Variants in BMAL2 observed in about 807,000 individuals in gnomAD.
BMAL2 encodes basic helix-loop-helix ARNT-like protein 2.
the BMAL2 span, chr12:27,420,375 G>C: frequency 1.9e-6 from 3 of 1,613,642 alleles, no homozygotes; most frequent in Non-Finnish European, 2.5e-6. Flanking sequence ...TACTTACACA[G>C]GCCTGTATTT....
the BMAL2 span, chr12:27,401,714 A>T: frequency 7.0e-7 from 1 of 1,418,792 alleles, no homozygotes; most frequent in Non-Finnish European, 9.6e-7. Context: ...TATTGATTTC[A>T]AATGAGTCTC....
chr12:27,347,510 G>T, the BMAL2 span, among the ~76,000 whole-genome samples: 1 of 152,078 alleles, frequency 6.6e-6, no homozygotes, highest in Admixed American at 6.5e-5. Context: ...TTCACAGTAG[G>T]TGCTTGAGGA....
chr12:27,403,603 TA>T, the BMAL2 span: 1 of 1,073,756 alleles, frequency 9.3e-7, no homozygotes, highest in African/African-American at 1.6e-5. Context: ...AAAATCAATA[TA>T]CAAAAATCAG....
the BMAL2 span, chr12:27,389,306 C>T: frequency 2.0e-6 from 3 of 1,503,164 alleles, no homozygotes; most frequent in South Asian, 1.1e-5. Context: ...AGTAAGTGTC[C>T]ATTTCCGCAT....
At chr12:27,413,797 G>A in the BMAL2 span, among the ~76,000 whole-genome samples, 1 of 152,148 alleles carries the variant, frequency 6.6e-6, no homozygotes, top group Non-Finnish European at 1.5e-5. Flanking sequence ...GTGAAGGGAT[G>A]GAAAAAGATA....
At chr12:27,342,739 T>C in the BMAL2 span, among the ~76,000 whole-genome samples, 2 of 152,214 alleles carry the variant, frequency 1.3e-5, no homozygotes, top group African/African-American at 4.8e-5. Flanking sequence ...AAACAAACAA[T>C]ATTGCATTGT....
At chr12:27,370,117 C>T in the BMAL2 span, 3 of 1,607,298 alleles carry the variant, frequency 1.9e-6, no homozygotes, top group Non-Finnish European at 2.6e-6. Context: ...CCCAAGGCCT[C>T]CTTCCTTCCA....
At chr12:27,382,305 A>G in the BMAL2 span, among the ~76,000 whole-genome samples, 1 of 152,216 alleles carries the variant, frequency 6.6e-6, no homozygotes, top group Admixed American at 6.5e-5. Context: ...TAGTTCAACA[A>G]AACATGATCT....
At chr12:27,373,170 C>T in the BMAL2 span, among the ~76,000 whole-genome samples, 1 of 152,010 alleles carries the variant, frequency 6.6e-6, no homozygotes, top group Non-Finnish European at 1.5e-5. Flanking sequence ...AAGAGAGTGG[C>T]CCTGGACAGG....
At chr12:27,397,680 C>T in the BMAL2 span, among the ~76,000 whole-genome samples, 1 of 152,324 alleles carries the variant, frequency 6.6e-6, no homozygotes, top group South Asian at 2.1e-4. Context: ...ATCAAACCTT[C>T]ATGGGTCACG....
the BMAL2 span, among the ~76,000 whole-genome samples, chr12:27,357,148 C>G: frequency 6.6e-6 from 1 of 152,114 alleles, no homozygotes; most frequent in African/African-American, 2.4e-5. Flanking sequence ...TTATCCACTT[C>G]TTGATTGATG....
the BMAL2 span, among the ~76,000 whole-genome samples, chr12:27,363,893 T>C: frequency 6.6e-6 from 1 of 152,166 alleles, no homozygotes; most frequent in South Asian, 2.1e-4. Flanking sequence ...AAAAATACTC[T>C]CCCTCCTTTA....
At chr12:27,349,371 G>A in the BMAL2 span, among the ~76,000 whole-genome samples, 1 of 152,194 alleles carries the variant, frequency 6.6e-6, no homozygotes, top group African/African-American at 2.4e-5. Flanking sequence ...TTTGAATCAT[G>A]TGCTTGTCTC....
At chr12:27,394,280 C>T in the BMAL2 span, 1 of 152,240 alleles carries the variant, frequency 6.6e-6, no homozygotes, top group African/African-American at 2.4e-5. Context: ...ACCCAGGCAT[C>T]CCCTCTTTCC....
At chr12:27,380,463 C>A in the BMAL2 span, 2 of 1,577,048 alleles carry the variant, frequency 1.3e-6, no homozygotes, top group South Asian at 2.3e-5. Context: ...TCACTGAGGT[C>A]TCTGATTGGT....
At chr12:27,374,280 A>AT in the BMAL2 span, among the ~76,000 whole-genome samples, 1 of 152,218 alleles carries the variant, frequency 6.6e-6, no homozygotes, top group African/African-American at 2.4e-5. Flanking sequence ...GAAAAAAAAA[A>AT]GCAAGTCTGT....
chr12:27,376,173 T>G, the BMAL2 span, among the ~76,000 whole-genome samples: 1 of 152,234 alleles, frequency 6.6e-6, no homozygotes, highest in Non-Finnish European at 1.5e-5. Context: ...GAATGGTTCA[T>G]GTAGACAGTA....
At chr12:27,367,786 A>G in the BMAL2 span, among the ~76,000 whole-genome samples, 1 of 150,386 alleles carries the variant, frequency 6.6e-6, no homozygotes, top group Non-Finnish European at 1.5e-5. Context: ...TAATGTGTGT[A>G]TATATATAAT....
chr12:27,390,233 A>G, the BMAL2 span: 1 of 1,613,700 alleles, frequency 6.2e-7, no homozygotes, highest in Non-Finnish European at 8.5e-7. Context: ...CAACTCAAAG[A>G]AGAAAGGTAT....
Sources: gnomAD v4.1 joint callset for allele counts (sites outside exome capture counted in the v4.1 genomes callset) on GRCh38, gnomAD v4.1.1 for gene constraint, MANE v1.5 for transcripts, NCBI Gene and HGNC (gene_info 2026-07-23, HGNC 2026-07-21) for gene names.